The following GRB2 variants were observed in gnomAD, a reference collection of about 807,000 sequenced individuals.
GRB2 encodes the protein growth factor receptor-bound protein 2.
GRB2 carries 2 observed loss-of-function variants against 27.4 expected under a neutral mutation model. The observed-to-expected ratio is 0.07, with a 90% CI of 0.03 to 0.23. The LOEUF is 0.23. GRB2 is among the 10% of genes least tolerant of loss of function. The pLI, the probability that GRB2 is intolerant of heterozygous loss-of-function variation, is 1.00. For synonymous variants in GRB2, 94 were observed against 99.6 expected, an observed-to-expected ratio of 0.94 and a Z score of 0.33; for missense variants, 102 against 282.4, an observed-to-expected ratio of 0.36 and a Z score of 4.58.
At chr17:75,321,454 G>A (rs2078459196) in intron 5 of GRB2, among the ~76,000 whole-genome samples, 1 of 152,084 alleles carries the variant, frequency 6.6e-6, no homozygotes, top group Non-Finnish European at 1.5e-5. Flanking sequence ...TGGGATTATA[G>A]GTGTGAGCTA....
At chr17:75,323,670 G>A (rs886957606) in intron 4 of GRB2, among the ~76,000 whole-genome samples, 13 of 152,142 alleles carry the variant, frequency 8.5e-5, no homozygotes, top group South Asian at 4.1e-4. Flanking sequence ...GCGTCCAGCC[G>A]AGCACGTGGC....
At chr17:75,404,270 T>C (rs1405008260) in intron 1 of GRB2, among the ~76,000 whole-genome samples, 3 of 152,060 alleles carry the variant, frequency 2.0e-5, no homozygotes, top group African/African-American at 7.2e-5. Flanking sequence ...AGGACTGATT[T>C]CTTAGGGATG....
intron 3 of GRB2, among the ~76,000 whole-genome samples, chr17:75,327,462 C>T (rs2078506803): frequency 6.6e-6 from 1 of 151,738 alleles, no homozygotes; most frequent in Non-Finnish European, 1.5e-5. Flanking sequence ...CCTTCGCCTC[C>T]TGGGTTCAAG....
At chr17:75,346,616 C>T (rs2078657127) in intron 2 of GRB2, among the ~76,000 whole-genome samples, 1 of 119,522 alleles carries the variant, frequency 8.4e-6, no homozygotes, top group Admixed American at 1.1e-4. Context: ...CAGAGTCACA[C>T]TCTTTGCACA....
At chr17:75,330,865 CT>C (rs1180179966) in intron 3 of GRB2, among the ~76,000 whole-genome samples, 2 of 152,276 alleles carry the variant, frequency 1.3e-5, no homozygotes, top group Admixed American at 6.5e-5. Flanking sequence ...GGATCCACCC[CT>C]CAAGCATATA....
intron 1 of GRB2, among the ~76,000 whole-genome samples, chr17:75,401,422 GGCCT>G (rs2079063066): frequency 7.0e-6 from 1 of 141,924 alleles, no homozygotes; most frequent in Non-Finnish European, 1.5e-5. Flanking sequence ...TCCGCAGTCC[GGCCT>G]GGGCGACAGA....
intron 1 of GRB2, among the ~76,000 whole-genome samples, chr17:75,399,764 G>A (rs1233904468): frequency 6.6e-6 from 1 of 151,902 alleles, no homozygotes; most frequent in African/African-American, 2.4e-5. Flanking sequence ...CCGTCTCCCA[G>A]GTTCATGCCA....
chr17:75,403,547 T>C (rs7209146), intron 1 of GRB2, among the ~76,000 whole-genome samples: 2 of 151,846 alleles, frequency 1.3e-5, no homozygotes, highest in African/African-American at 2.4e-5. Flanking sequence ...GGCAGATCAC[T>C]TGAGGTCAGG....
intron 2 of GRB2, among the ~76,000 whole-genome samples, chr17:75,354,802 A>G (rs1254670398): frequency 1.3e-5 from 2 of 152,264 alleles, no homozygotes; most frequent in Non-Finnish European, 2.9e-5. Flanking sequence ...GAAAAACTTA[A>G]CTTCTCATAG....
rs147094576 is a variant in GRB2 at position 75,341,355 on chromosome 17, G to C, written c.79-8558C>G. On this transcript the variant is annotated intron_variant, in intron 2 of 5. Transcript: ENST00000316804. ...GGCTGAGGCAGGAGAATCGCTTGGA[G>C]GCAGGAGAATCGCTTGAAACCAGGA... Among the ~76,000 whole-genome samples the C allele has an allele frequency of 3.1e-3, 472 of 149,848 alleles. 2 individuals are homozygous for C. Among genetic ancestry groups the C allele is most frequent in the African/African-American group, 0.011 (438 of 40,418 alleles).
chr17:75,372,344 A>T lies in GRB2; in HGVS notation c.78+21207T>A, dbSNP rs572546146. 3 of 152,440 alleles carry T rather than the reference A, an allele frequency of 2.0e-5. No homozygotes were observed. In the East Asian group the frequency reaches 5.8e-4, roughly 29 times the overall value. The allele number at this position is 152,440 out of a possible 1,614,324, so 9.4% of individuals were successfully genotyped here. On this transcript the variant is annotated intron_variant, in intron 2 of 5. Coordinates refer to ENST00000316804, the MANE Select transcript of GRB2 (RefSeq NM_002086.5). ...GAAATAAAGGTTCACAAGGAAAGGGAACAGTGCAGACAGGGAAGGGACTCA... is the reference window on the plus strand; with the variant it reads ...GAAATAAAGGTTCACAAGGAAAGGGTACAGTGCAGACAGGGAAGGGACTCA...
At chr17:75,344,064 A>G (rs2078639264) in intron 2 of GRB2, among the ~76,000 whole-genome samples, 1 of 152,176 alleles carries the variant, frequency 6.6e-6, no homozygotes, top group African/African-American at 2.4e-5. Context: ...GTGGGGAGTT[A>G]TGGGTACTAT....
At chr17:75,354,844 C>T (rs1368382640) in intron 2 of GRB2, among the ~76,000 whole-genome samples, 10 of 152,188 alleles carry the variant, frequency 6.6e-5, no homozygotes, top group Admixed American at 4.6e-4. Context: ...ATAGGAAGGG[C>T]GCACTGAGAA....
intron 2 of GRB2, among the ~76,000 whole-genome samples, chr17:75,359,998 C>T (rs1161567088): frequency 6.8e-6 from 1 of 147,104 alleles, no homozygotes; most frequent in Non-Finnish European, 1.5e-5. Context: ...AAAAAAAAGA[C>T]AGACTGGGCA....
chr17:75,349,371 AGCT>A (rs2078674523), intron 2 of GRB2, among the ~76,000 whole-genome samples: 1 of 152,152 alleles, frequency 6.6e-6, no homozygotes, highest in Admixed American at 6.6e-5. Context: ...AGATAAGACA[AGCT>A]GTCCTCCCTG....
rs200166692 is a variant in GRB2, at chr17:75,323,792, CAT to C, written c.300-1967_300-1966del. 8.0e-3 allele frequency among the ~76,000 whole-genome samples: 1,206 copies of C among 151,272 alleles called. 20 individuals carry two copies. The highest frequency in any genetic ancestry group is 0.028 in the African/African-American group (1,138 of 41,112). ...AAACTAAAGAAAGACAGGTGTCACACATGTTTTTCTTTTCTTTTTTTTTTTTT... is the reference window on the plus strand; with the variant it reads ...AAACTAAAGAAAGACAGGTGTCACACGTTTTTCTTTTCTTTTTTTTTTTTT... On this transcript the variant is annotated intron_variant, in intron 4 of 5. Coordinates refer to ENST00000316804, the MANE Select transcript of GRB2 (RefSeq NM_002086.5).
Position 75,355,820 on chromosome 17 carries a change from T to C in GRB2, c.79-23023A>G, listed in dbSNP as rs564907211. Reference sequence around the variant, plus strand: ...GTATCTTAATTTTCCTTTCTTCTTTTTTTTTTTTTTTTTTTTTTAAAGAGA... The same window carrying C: ...GTATCTTAATTTTCCTTTCTTCTTTCTTTTTTTTTTTTTTTTTTAAAGAGA... On this transcript the variant is annotated intron_variant, in intron 2 of 5. Transcript: ENST00000316804. Among the ~76,000 whole-genome samples, 1,331 of 148,850 alleles carry C rather than the reference T, an allele frequency of 8.9e-3. 26 individuals carry two copies. The highest frequency in any genetic ancestry group is 0.049 in the South Asian group (233 of 4,762).
intron 2 of GRB2, among the ~76,000 whole-genome samples, chr17:75,367,468 A>G (rs1440943042): frequency 6.6e-6 from 1 of 152,108 alleles, no homozygotes; most frequent in Non-Finnish European, 1.5e-5. Context: ...TGAGCCACTG[A>G]GCTGGGCCGT....
chr17:75,382,263 C>CA (rs200338703), intron 2 of GRB2, among the ~76,000 whole-genome samples: 7,248 of 145,688 alleles, frequency 0.05, 252 homozygotes, highest in Middle Eastern at 0.081. Context: ...GACCTTGTCT[C>CA]AAAAAAAAAG....
Sources: allele counts gnomAD v4.1 joint callset (sites outside exome capture counted in the v4.1 genomes callset), GRCh38; gene constraint gnomAD v4.1.1; transcripts MANE v1.5; gene names NCBI Gene and HGNC (gene_info 2026-07-23, HGNC 2026-07-21).